TTC14: variants seen among roughly 807,000 people sequenced by gnomAD.
The protein encoded by TTC14 is tetratricopeptide repeat domain 14.
In TTC14, 63 loss-of-function variants were observed where a neutral mutation model predicts 79.9. The observed-to-expected ratio is 0.79, with a 90% CI of 0.64 to 0.97. The LOEUF (loss-of-function observed/expected upper bound fraction) is 0.97, where lower values mean the gene tolerates loss of function less well. TTC14 is among the 50% of genes least tolerant of loss of function. The probability of loss-of-function intolerance (pLI) is 0.00; values close to 1 mark genes in which losing one functional copy is unlikely to be tolerated. For missense variants in TTC14, 895 were observed against 894.0 expected (o/e 1.00, Z -0.01); for synonymous variants, 335 against 309.6 (o/e 1.08, Z -0.86).
rs778072546 is a variant in TTC14 at position 180,606,596 on chromosome 3, G to A, written c.1165G>A (p.Gly389Arg). 1.2e-6 allele frequency: 2 copies of A among 1,612,486 alleles called. No homozygotes were observed. The highest frequency in any genetic ancestry group is 1.1e-5 in the South Asian group (1 of 90,566). Residue 389 changes from glycine (G) to arginine (R), a missense_variant, in exon 9 of 12, where the codon GGA becomes AGA. Gly to Arg is a moderately radical substitution (Grantham distance 125, BLOSUM62 -2). Transcript: ENST00000296015. ...KYLCQTLVER[G>R]GQLEEEEKFL... ...CCTCTGCCAGACACTTGTAGAGAGAGGAGGACAGTAAGTATCAGATTTTGT... is the reference window on the plus strand; with the variant it reads ...CCTCTGCCAGACACTTGTAGAGAGAAGAGGACAGTAAGTATCAGATTTTGT...
At chr3:180,614,657 G>C (rs946002768), downstream of TTC14, 2 of 333,264 alleles carry the variant, frequency 6.0e-6, no homozygotes, top group African/African-American at 4.4e-5. Flanking sequence ...CTAACACTAC[G>C]AACATCAGAA....
Position 180,609,836 on chromosome 3 carries a change from G to C in TTC14, c.1607G>C (p.Cys536Ser). The C allele has an allele frequency of 6.2e-7, 1 of 1,613,660 alleles. No individual in the cohort carries two copies. The highest frequency in any genetic ancestry group is 8.5e-7 in the Non-Finnish European group (1 of 1,179,828). ...ATAGATCAGAATAGGAAAGATGAGT[G>C]CTACCCAGTTCCAGCTAATACTTCA... ...NQIDQNRKDECYPVPANTSAS... is the reference protein window; with the variant it reads ...NQIDQNRKDESYPVPANTSAS... The change falls in exon 12 of 12, where the codon TGC (cysteine) becomes TCC (serine). Residue 536 changes from cysteine (C) to serine (S), a missense_variant. Coordinates refer to ENST00000296015, the MANE Select transcript of TTC14 (RefSeq NM_133462.4).
chr3:180,610,040 A>G lies in TTC14; in HGVS notation c.1811A>G (p.Tyr604Cys), dbSNP rs758347332. Residue 604 changes from tyrosine (Y) to cysteine (C), a missense_variant, in exon 12 of 12, where the codon TAT becomes TGT. By Grantham distance (194) the Tyr-to-Cys change is radical. Coordinates refer to ENST00000296015, the MANE Select transcript of TTC14 (RefSeq NM_133462.4). ...SEDPRDFYNSYKTQAGSSKTE... is the reference protein window; with the variant it reads ...SEDPRDFYNSCKTQAGSSKTE... ...GATCCAAGAGATTTTTATAACAGCT[A>G]TAAAACCCAAGCAGGTAGTAGCAAA... 6 of 1,614,092 alleles carry G rather than the reference A, an allele frequency of 3.7e-6. No homozygotes were observed. The highest frequency in any genetic ancestry group is 3.3e-5 in the South Asian group (3 of 91,080).
chr3:180,604,707 A>G, intron 5 of TTC14, 100 bp downstream of exon 5: 1 of 1,451,374 alleles, frequency 6.9e-7, no homozygotes. Flanking sequence ...CAGACTTGGT[A>G]AAAGGAAACC....
chr3:180,602,338 A>C lies in TTC14; in HGVS notation c.77A>C (p.Gln26Pro). The C allele has an allele frequency of 6.2e-7, 1 of 1,613,586 alleles. No individual in the cohort carries two copies. Among genetic ancestry groups the C allele is most frequent in the Non-Finnish European group, 8.5e-7 (1 of 1,179,974 alleles). The change falls in exon 1 of 12, where the codon CAG becomes CCG. Residue 26 changes from glutamine (Q) to proline (P), a missense_variant. Coordinates refer to ENST00000296015, the MANE Select transcript of TTC14 (RefSeq NM_133462.4). ...SLLSLLRSEQ[Q>P]DNPHFRSLLG... is the part of the protein sequence containing the mutation. ...CTCTCTCTACTTCGGAGCGAACAGC[A>C]GGACAATCCACACTTCCGTAGCCTC...
intron 6 of TTC14, 57 bp from the exon 7 acceptor site, chr3:180,605,709 A>T: frequency 1.5e-6 from 2 of 1,316,768 alleles, no homozygotes; most frequent in Non-Finnish European, 2.1e-6. Flanking sequence ...AGAGTTAAGT[A>T]TAGTTACTTA....
chr3:180,615,072 G>A, downstream of TTC14: 1 of 1,530,322 alleles, frequency 6.5e-7, no homozygotes, highest in Non-Finnish European at 8.8e-7. Flanking sequence ...TGTACTCCTA[G>A]ATGACCTAGA....
At chr3:180,616,870 CT>C (rs1225665018) in intron 12 of TTC14, 21 of 1,605,408 alleles carry the variant, frequency 1.3e-5, no homozygotes, top group Non-Finnish European at 1.8e-5. Context: ...TCCTCCGTTT[CT>C]TTACTTAGTT....
At chr3:180,605,698 C>A in intron 6 of TTC14, 68 bp from the exon 7 acceptor site, 1 of 1,153,000 alleles carries the variant, frequency 8.7e-7, no homozygotes, top group East Asian at 2.9e-5. Flanking sequence ...GCCTGTCAAG[C>A]AGAGTTAAGT....
Position 180,602,378 on chromosome 3 carries a change from C to A in TTC14, c.117C>A (p.Ala39=), listed in dbSNP as rs1235828865. 1 of 1,610,524 alleles carries A rather than the reference C, an allele frequency of 6.2e-7. No individual in the cohort carries two copies. The highest frequency in any genetic ancestry group is 8.5e-7 in the Non-Finnish European group (1 of 1,179,510). Reference sequence around the variant, plus strand: ...TCCGTAGCCTCCTGGGGTCGGCCGCCGAGCCAGCCCGGGGCCCGCCGCCCC... The same window carrying A: ...TCCGTAGCCTCCTGGGGTCGGCCGCAGAGCCAGCCCGGGGCCCGCCGCCCC... The part of the protein sequence containing the change: ...PHFRSLLGSA[A]EPARGPPPQH... Residue 39 remains alanine (A), a synonymous_variant, in exon 1 of 12, where the codon GCC becomes GCA. Transcript: ENST00000296015.
Position 180,607,894 on chromosome 3 carries a change from T to C in TTC14, c.1290+129T>C, listed in dbSNP as rs73883898. On this transcript the variant is annotated intron_variant, in intron 10 of 11. Transcript: ENST00000296015. ...ATGAAAAGTTTCTTTTTAGGTATAG[T>C]TTTTCCTAATTGGGTTTGACATTGC... 1.3e-3 allele frequency: 1,892 copies of C among 1,461,502 alleles called. 30 individuals carry two copies. In the African/African-American group the frequency reaches 0.024, roughly 18 times the overall value. 90.5% of individuals were successfully genotyped at this position (1,461,502 alleles called of 1,614,324 possible).
chr3:180,606,202 A>T (rs1430193277), intron 7 of TTC14, 51 bp from the exon 8 acceptor site: 4 of 1,596,802 alleles, frequency 2.5e-6, no homozygotes, highest in Non-Finnish European at 3.4e-6. Flanking sequence ...CTAACATTTT[A>T]TTTAGATATT....
chr3:180,606,592 G>A lies in TTC14; in HGVS notation c.1161G>A (p.Glu387=). 2 of 1,613,454 alleles carry A rather than the reference G, an allele frequency of 1.2e-6. No homozygotes were observed. Among genetic ancestry groups the A allele is most frequent in the Non-Finnish European group, 1.7e-6 (2 of 1,179,770 alleles). Residue 387 remains glutamate (E), a synonymous_variant, in exon 9 of 12, where the codon GAG becomes GAA. Transcript: ENST00000296015. ...AATACCTCTGCCAGACACTTGTAGAGAGAGGAGGACAGTAAGTATCAGATT... is the reference window on the plus strand; with the variant it reads ...AATACCTCTGCCAGACACTTGTAGAAAGAGGAGGACAGTAAGTATCAGATT... The part of the protein sequence containing the change: ...ARKYLCQTLV[E]RGGQLEEEEK...
At chr3:180,616,219 C>A (rs1210431580) in intron 12 of TTC14, 8 of 1,418,080 alleles carry the variant, frequency 5.6e-6, no homozygotes, top group Non-Finnish European at 5.0e-6. Flanking sequence ...GTAGAAGTGG[C>A]TGGAATCACT....
Position 180,609,710 on chromosome 3 carries a change from C to G in TTC14, c.1481C>G (p.Ser494Cys). The change falls in exon 12 of 12, where the codon TCT becomes TGT. Residue 494 changes from serine to cysteine, a missense_variant. Transcript: ENST00000296015. ...GAATCAGTGTCTTCATCATCATCCT[C>G]TTCCTCTTCTGGTCACAAAAGGCAT... ...ADESVSSSSS[S>C]SSSGHKRHKK... 1.2e-6 allele frequency: 2 copies of G among 1,613,106 alleles called. No individual in the cohort carries two copies. The highest frequency in any genetic ancestry group is 1.7e-6 in the Non-Finnish European group (2 of 1,179,712).
Position 180,610,878 on chromosome 3 carries a change from TTGA to T in TTC14, c.*337_*339del. The T allele has an allele frequency of 1.0e-6, 1 of 989,068 alleles. No individual in the cohort carries two copies. Among genetic ancestry groups the T allele is most frequent in the Non-Finnish European group, 1.2e-6 (1 of 832,366 alleles). The allele number at this position is 989,068 out of a possible 1,614,324, so 61.3% of individuals were successfully genotyped here. ...TCCTGGGTGCATCTTATTCTGCTGT[TTGA>T]GAGAAAAATTTGTGCATTGAACACT... On this transcript the variant is annotated 3_prime_UTR_variant, in exon 12 of 12. Transcript: ENST00000296015.
At chr3:180,605,676 T>C (rs1220596440) in intron 6 of TTC14, 90 bp from the exon 7 acceptor site, 10 of 853,984 alleles carry the variant, frequency 1.2e-5, no homozygotes, top group Non-Finnish European at 1.8e-5. Flanking sequence ...ATTCATACTT[T>C]CACTGTCGAG....
At position 180,604,469 on chromosome 3, in the gene TTC14, T is replaced by C. The variant is rs775714693; in HGVS notation, c.572-9T>C. 30 of 1,577,580 alleles carry C rather than the reference T, an allele frequency of 1.9e-5. 2 individuals carry two copies. In the South Asian group the frequency reaches 3.6e-4, roughly 19 times the overall value. ...TAATCAGCTTAGTTCTCTTTTTTTT[T>C]TTCTTAAGCTGGAATCAAGGATATT... On this transcript the variant is annotated splice_polypyrimidine_tract_variant and intron_variant, in intron 4 of 11. Transcript: ENST00000296015.
chr3:180,612,581 G>C (rs1052614796), downstream of TTC14, among the ~76,000 whole-genome samples: 8 of 152,058 alleles, frequency 5.3e-5, no homozygotes, highest in African/African-American at 1.4e-4. Flanking sequence ...CCTGGGCAAC[G>C]CAGCATGACT....
Sources: allele counts gnomAD v4.1 joint callset (sites outside exome capture counted in the v4.1 genomes callset), GRCh38; gene constraint gnomAD v4.1.1; transcripts MANE v1.5; gene names NCBI Gene and HGNC (gene_info 2026-07-23, HGNC 2026-07-21).